Variants in WASHC2A observed in about 807,000 individuals in gnomAD.
WASHC2A encodes WASH complex subunit FAM21A.
Under a neutral mutation model 140.3 loss-of-function variants are expected in WASHC2A, and 82 were observed. That is an observed-to-expected ratio of 0.58 (90% CI 0.49 to 0.70). The LOEUF (loss-of-function observed/expected upper bound fraction) is 0.70. Ranked by LOEUF, WASHC2A falls within the 30% of genes least tolerant of loss-of-function variation. WASHC2A has a pLI of 0.00. For missense variants in WASHC2A, 985 were observed against 1,521.8 expected, an observed-to-expected ratio of 0.65 and a Z score of 5.87; for synonymous variants, 340 against 560.8, an observed-to-expected ratio of 0.61 and a Z score of 5.56.
chr10:50,094,832 T>C (rs1442255942), intron 13 of WASHC2A, among the ~76,000 whole-genome samples: 40,004 of 144,132 alleles, frequency 0.28, 6,466 homozygotes, highest in Middle Eastern at 0.43. Flanking sequence ...GGGGGAGCCC[T>C]GGTCATGCTG....
At chr10:50,074,915 C>CA (rs570896036) in intron 3 of WASHC2A, among the ~76,000 whole-genome samples, 2 of 148,350 alleles carry the variant, frequency 1.3e-5, no homozygotes, top group South Asian at 2.1e-4. Context: ...GACTCCGTCT[C>CA]AAAAAAATAA....
Position 50,109,563 on chromosome 10 carries a change from G to A in WASHC2A, c.1870-538G>A, listed in dbSNP as rs1246617693. Among the ~76,000 whole-genome samples, 25 of 152,168 alleles carry A rather than the reference G, an allele frequency of 1.6e-4. 1 individual carries two copies. In the East Asian group the frequency reaches 4.2e-3, roughly 26 times the overall value. ...CAGAACCACAGTGGGAAGAGACATC[G>A]TGGCAGGTGTTGGAGGAGGAAATCA... is the stretch of plus-strand genomic sequence containing the variant. On this transcript the variant is annotated intron_variant, in intron 19 of 30. Transcript: ENST00000282633.
At chr10:50,130,870 A>C (rs1283692278) in intron 29 of WASHC2A, 31 bp from the exon 30 acceptor site, 4 of 1,605,598 alleles carry the variant, frequency 2.5e-6, no homozygotes, top group Non-Finnish European at 3.4e-6. Context: ...TTGATTTAAC[A>C]TTATTTTGTA....
rs777615246 is a variant in WASHC2A at position 50,129,647 on chromosome 10, G to T, written c.3316G>T (p.Gly1106Cys). The change falls in exon 29 of 31, where the codon GGT becomes TGT. Residue 1106 changes from glycine to cysteine, a missense_variant. By Grantham distance (159) the Gly-to-Cys change is radical (BLOSUM62 -3). Coordinates refer to ENST00000282633, the MANE Select transcript of WASHC2A (RefSeq NM_001005751.3). Reference protein sequence around the residue: ...LAAAAAPWEGGPVPGVDRSPF... With the variant: ...LAAAAAPWEGCPVPGVDRSPF... ...AGCTGCCGCTGCACCTTGGGAAGGT[G>T]GTCCTGTGCCTGGAGTGGACAGAAG... The T allele has an allele frequency of 1.7e-5, 28 of 1,612,066 alleles. No individual in the cohort carries two copies. The African/African-American group carries it at 2.7e-4, about 15-fold the overall frequency.
In WASHC2A at chr10:50,095,652, A is replaced by G. The variant is rs2132623716; in HGVS notation, c.1294A>G (p.Lys432Glu). ...CGTTCCATCAATGAAGGAGCCACAG[A>G]AGCCTGAGCAGCCCACTCCAAGGAA... ...ASVPSMKEPQ[K>E]PEQPTPRKSP... is the part of the protein sequence containing the mutation. Residue 432 changes from lysine (K) to glutamate (E), a missense_variant, in exon 15 of 31, where the codon AAG (lysine) becomes GAG (glutamate). Lys to Glu is a moderately conservative substitution (Grantham distance 56, BLOSUM62 1). Transcript: ENST00000282633. 6.2e-7 allele frequency: 1 copy of G among 1,611,784 alleles called. No individual in the cohort carries two copies. The highest frequency in any genetic ancestry group is 2.2e-5 in the East Asian group (1 of 44,874).
At chr10:50,092,974 A>C (rs1840081130) in intron 11 of WASHC2A, among the ~76,000 whole-genome samples, 1 of 101,474 alleles carries the variant, frequency 9.9e-6, no homozygotes, top group Admixed American at 1.2e-4. Flanking sequence ...GTGGCGTCTG[A>C]CCCGAATGCT....
At chr10:50,095,057 C>G (rs1343921981) in intron 13 of WASHC2A, 91 bp from the exon 14 acceptor site, 2 of 1,601,694 alleles carry the variant, frequency 1.2e-6, no homozygotes, top group Non-Finnish European at 8.5e-7. Flanking sequence ...CTGATACTAG[C>G]TGTGTTTTAC....
chr10:50,131,872 G>A (rs1844006343), intron 30 of WASHC2A, among the ~76,000 whole-genome samples: 1 of 152,182 alleles, frequency 6.6e-6, no homozygotes, highest in African/African-American at 2.4e-5. Context: ...AGTAATACAT[G>A]CTTATTGTAA....
intron 30 of WASHC2A, among the ~76,000 whole-genome samples, chr10:50,132,466 A>G (rs1260468264): frequency 6.6e-6 from 1 of 152,268 alleles, no homozygotes; most frequent in Non-Finnish European, 1.5e-5. Flanking sequence ...AAAACCCAGT[A>G]TGAAAAGAAT....
Position 50,129,976 on chromosome 10 carries a change from G to C in WASHC2A, c.3645G>C (p.Lys1215Asn). 6.2e-7 allele frequency: 1 copy of C among 1,611,964 alleles called. No individual in the cohort carries two copies. The highest frequency in any genetic ancestry group is 1.1e-5 in the South Asian group (1 of 90,978). Residue 1215 changes from lysine (K) to asparagine (N), a missense_variant, in exon 29 of 31, where the codon AAG becomes AAC. Transcript: ENST00000282633. ...ACCTCTTTACAGATCAGAAAGTCAAGAAGAATGAGACAAAATCCAATAGTC... is the reference window on the plus strand; with the variant it reads ...ACCTCTTTACAGATCAGAAAGTCAACAAGAATGAGACAAAATCCAATAGTC... ...EDDLFTDQKV[K>N]KNETKSNSQQ...
chr10:50,095,084 G>C (rs1840342729), intron 13 of WASHC2A, 64 bp from the exon 14 acceptor site: 1 of 1,597,372 alleles, frequency 6.3e-7, no homozygotes, highest in South Asian at 1.1e-5. Flanking sequence ...CGTATTTCAG[G>C]AAGAAAATAG....
At chr10:50,069,507 T>A in intron 2 of WASHC2A, 40 bp from the exon 3 acceptor site, 1 of 1,592,470 alleles carries the variant, frequency 6.3e-7, no homozygotes, top group Non-Finnish European at 8.6e-7. Context: ...AATAGTTACA[T>A]GTAACATTGA....
At chr10:50,083,652 G>T (rs1554880210) in intron 5 of WASHC2A, among the ~76,000 whole-genome samples, 1 of 116,932 alleles carries the variant, frequency 8.6e-6, no homozygotes, top group Non-Finnish European at 1.7e-5. Context: ...TGTTTCCTGG[G>T]TTCAAGTGAT....
chr10:50,104,921 C>A (rs1841603550), intron 18 of WASHC2A, among the ~76,000 whole-genome samples: 1 of 148,970 alleles, frequency 6.7e-6, no homozygotes, highest in South Asian at 2.2e-4. Flanking sequence ...CCTGACATAT[C>A]CAGCTTTTCC....
rs1589133971 is a variant in WASHC2A, at chr10:50,069,790, C to T, written c.291+79C>T. ...ATTTTAAATAACTTACTGTTAGGTT[C>T]CCTCCTAAATTTTGGTGGAAGTGTG... On this transcript the variant is annotated intron_variant, in intron 3 of 30. Transcript: ENST00000282633. 1.9e-5 allele frequency: 27 copies of T among 1,442,342 alleles called. No individual in the cohort carries two copies. In the East Asian group the frequency reaches 6.0e-4, roughly 32 times the overall value. 89.3% of individuals were successfully genotyped at this position (1,442,342 alleles called of 1,614,324 possible).
At position 50,110,351 on chromosome 10, in the gene WASHC2A, C is replaced by T. The variant is rs1197341813; in HGVS notation, c.2039+81C>T. 5.1e-3 allele frequency: 8,113 copies of T among 1,590,898 alleles called. 42 individuals carry two copies. The highest frequency in any genetic ancestry group is 6.4e-3 in the Non-Finnish European group (7,378 of 1,161,848). ...GAATCTGATGCACAATCTAGTTCAT[C>T]GGGTGATTGCTAATCATGGATCACA... On this transcript the variant is annotated intron_variant, in intron 20 of 30. Transcript: ENST00000282633.
At chr10:50,084,019 A>G in intron 5 of WASHC2A, 53 bp from the exon 6 acceptor site, 7 of 1,604,732 alleles carry the variant, frequency 4.4e-6, no homozygotes, top group Non-Finnish European at 5.9e-6. Flanking sequence ...TGGCACATGT[A>G]AGTTTGTTTT....
Position 50,126,316 on chromosome 10 carries a change from A to C in WASHC2A, c.2811+137A>C. On this transcript the variant is annotated intron_variant, in intron 26 of 30. Transcript: ENST00000282633. ...CAACCAGGGCTACCGCTTTGTCTTC[A>C]CTGCACTCCCCCCAAGTCATCTCCC... 2.0e-6 allele frequency: 3 copies of C among 1,525,528 alleles called. No homozygotes were observed. The South Asian group carries it at 3.6e-5, about 18-fold the overall frequency. The allele number at this position is 1,525,528 out of a possible 1,614,324, so 94.5% of individuals were successfully genotyped here.
chr10:50,094,312 G>GT lies in WASHC2A; in HGVS notation c.1180+402dup, dbSNP rs1223589419. ...TAAAATCATCTGTGCAGGTTTTTTTGTTTTTTTGTTTTTTGTTTTTGTATT... is the reference window on the plus strand; with the variant it reads ...TAAAATCATCTGTGCAGGTTTTTTTGTTTTTTTTGTTTTTTGTTTTTGTATT... On this transcript the variant is annotated intron_variant, in intron 13 of 30. Transcript: ENST00000282633. 7.0e-4 allele frequency among the ~76,000 whole-genome samples: 102 copies of GT among 146,158 alleles called. No individual in the cohort carries two copies. The Middle Eastern group carries it at 0.01, about 15-fold the overall frequency.
Sources: gnomAD v4.1 joint callset for allele counts (sites outside exome capture counted in the v4.1 genomes callset) on GRCh38, gnomAD v4.1.1 for gene constraint, MANE v1.5 for transcripts, NCBI Gene and HGNC (gene_info 2026-07-23, HGNC 2026-07-21) for gene names.